Variants in GALNT13 observed in about 807,000 individuals in gnomAD.
GALNT13 encodes the protein UDP-GalNAc:polypeptide N-acetylgalactosaminyltransferase 13.
Under a neutral mutation model 64.2 loss-of-function variants are expected in GALNT13, and 28 were observed. The ratio of observed to expected loss-of-function variants is 0.44; its 90% CI spans 0.32 to 0.60. The LOEUF is 0.60. GALNT13 is among the 20% of genes least tolerant of loss of function. The pLI is 0.05. For synonymous variants in GALNT13, 214 were observed against 224.6 expected (o/e 0.95, Z 0.42); for missense variants, 577 against 669.8 (o/e 0.86, Z 1.53).
At chr2:154,225,101 GAGATAGATAGATAGAT>G (rs3078692) in intron 4 of GALNT13, among the ~76,000 whole-genome samples, 26 of 136,230 alleles carry the variant, frequency 1.9e-4, no homozygotes, top group African/African-American at 5.9e-4. Flanking sequence ...CACACATGGA[GAGATAGATAGATAGAT>G]AGATAGATAG....
chr2:154,225,621 T>C (rs914659043), intron 4 of GALNT13, among the ~76,000 whole-genome samples: 10 of 152,110 alleles, frequency 6.6e-5, no homozygotes, highest in Non-Finnish European at 1.3e-4. Context: ...CTCTTGAAGG[T>C]TTGCTGAAAA....
At chr2:154,082,717 T>A (rs1466900149) in intron 3 of GALNT13, among the ~76,000 whole-genome samples, 1 of 150,572 alleles carries the variant, frequency 6.6e-6, no homozygotes, top group Non-Finnish European at 1.5e-5. Flanking sequence ...CAGACTCACC[T>A]TTTTTCTGTT....
At chr2:153,932,806 T>A (rs1010359209) in intron 2 of GALNT13, among the ~76,000 whole-genome samples, 4 of 151,972 alleles carry the variant, frequency 2.6e-5, no homozygotes, top group African/African-American at 9.7e-5. Context: ...TTTTGTATTT[T>A]TAGTAGAGAT....
At chr2:153,310,474 C>T in the GALNT13 span, among the ~76,000 whole-genome samples, 1 of 152,100 alleles carries the variant, frequency 6.6e-6, no homozygotes, top group Non-Finnish European at 1.5e-5. Flanking sequence ...CACTCCTCTT[C>T]CTCCTCCTCC....
At chr2:153,971,239 C>T (rs114226516) in intron 3 of GALNT13, among the ~76,000 whole-genome samples, 47 of 152,284 alleles carry the variant, frequency 3.1e-4, no homozygotes, top group Non-Finnish European at 6.2e-4. Flanking sequence ...CATGGCCACA[C>T]TATTTGAAAA....
intron 3 of GALNT13, among the ~76,000 whole-genome samples, chr2:154,135,643 A>G (rs942688291): frequency 3.3e-5 from 5 of 152,180 alleles, no homozygotes; most frequent in Non-Finnish European, 7.3e-5. Flanking sequence ...AAGCAAGTAT[A>G]TACTGAATCC....
the GALNT13 span, among the ~76,000 whole-genome samples, chr2:153,687,435 A>G: frequency 6.6e-6 from 1 of 151,942 alleles, no homozygotes; most frequent in South Asian, 2.1e-4. Context: ...TGCATAAACT[A>G]GATGTTCATG....
intron 4 of GALNT13, among the ~76,000 whole-genome samples, chr2:154,167,641 G>A (rs1685107073): frequency 6.6e-6 from 1 of 152,146 alleles, no homozygotes; most frequent in Admixed American, 6.5e-5. Flanking sequence ...ACAGAGGGAG[G>A]GCAATGGTCA....
Position 153,883,683 on chromosome 2 carries a change from T to A in GALNT13, c.-177+11380T>A, listed in dbSNP as rs190747790. On this transcript the variant is annotated intron_variant, in intron 1 of 12. Transcript: ENST00000392825. ...TGGAGGGTTTGGTTGGTGGGAGGAT[T>A]TGGGACAAAAAGGGGACATTATAGA... Among the ~76,000 whole-genome samples, 212 of 151,770 alleles carry A rather than the reference T, an allele frequency of 1.4e-3. 2 individuals are homozygous for A. Among genetic ancestry groups the A allele is most frequent in the Non-Finnish European group, 1.2e-3 (84 of 67,870 alleles).
chr2:154,022,834 G>A (rs1053736235), intron 3 of GALNT13, among the ~76,000 whole-genome samples: 14 of 152,066 alleles, frequency 9.2e-5, no homozygotes, highest in African/African-American at 3.4e-4. Flanking sequence ...TGGGCATTTA[G>A]TGCTATAAAT....
At chr2:153,796,600 A>G in the GALNT13 span, among the ~76,000 whole-genome samples, 6 of 152,228 alleles carry the variant, frequency 3.9e-5, no homozygotes, top group Admixed American at 3.9e-4. Context: ...TAAAGAAAGC[A>G]TTCTTGGCAG....
chr2:153,699,080 C>T, the GALNT13 span, among the ~76,000 whole-genome samples: 35 of 152,090 alleles, frequency 2.3e-4, no homozygotes, highest in East Asian at 5.4e-3. Context: ...AAAAATTTTC[C>T]GGTCATGGAG....
At chr2:154,437,544 T>G (rs1430958898) in intron 11 of GALNT13, 2 of 1,284,070 alleles carry the variant, frequency 1.6e-6, no homozygotes, top group Non-Finnish European at 2.0e-6. Flanking sequence ...GAAAACACAT[T>G]CTATAATTAT....
At chr2:154,151,040 C>T (rs938654526) in intron 4 of GALNT13, among the ~76,000 whole-genome samples, 8 of 152,108 alleles carry the variant, frequency 5.3e-5, no homozygotes, top group Admixed American at 3.9e-4. Flanking sequence ...AATTTTGGAT[C>T]TTTCCTGCTT....
chr2:154,340,381 T>C (rs72999337), intron 9 of GALNT13, among the ~76,000 whole-genome samples: 2,471 of 152,222 alleles, frequency 0.016, 60 homozygotes, highest in African/African-American at 0.05. Context: ...CATGCCACTG[T>C]GCCTGGCCCT....
chr2:153,531,938 C>T, the GALNT13 span, among the ~76,000 whole-genome samples: 3 of 152,216 alleles, frequency 2.0e-5, no homozygotes, highest in East Asian at 1.9e-4. Context: ...AGGCCTTCAG[C>T]GTCTCTGCCC....
the GALNT13 span, among the ~76,000 whole-genome samples, chr2:153,798,772 C>T: frequency 6.6e-6 from 1 of 152,104 alleles, no homozygotes; most frequent in Non-Finnish European, 1.5e-5. Flanking sequence ...AAAAAGTTGT[C>T]ATACTTCTGG....
rs552825383 is a variant in GALNT13 at position 154,260,134 on chromosome 2, C to G, written c.975+996C>G. ...TTCCTGAGCTCAAGCAATCCACCCC[C>G]CTCTGCCTCCCAAAGAGTTGCGATT... On this transcript the variant is annotated intron_variant, in intron 8 of 12. Transcript: ENST00000392825. 7.9e-5 allele frequency among the ~76,000 whole-genome samples: 12 copies of G among 152,152 alleles called. No individual in the cohort carries two copies. In the South Asian group the frequency reaches 8.3e-4, roughly 11 times the overall value.
the GALNT13 span, among the ~76,000 whole-genome samples, chr2:153,436,397 G>A: frequency 6.6e-6 from 1 of 152,172 alleles, no homozygotes; most frequent in Non-Finnish European, 1.5e-5. Flanking sequence ...AGTTTCAGGA[G>A]GAATGGTACC....
Sources: gnomAD v4.1 joint callset for allele counts (sites outside exome capture counted in the v4.1 genomes callset) on GRCh38, gnomAD v4.1.1 for gene constraint, MANE v1.5 for transcripts, NCBI Gene and HGNC (gene_info 2026-07-23, HGNC 2026-07-21) for gene names.